The following GCH1 variants were observed in gnomAD, a reference collection of about 807,000 sequenced individuals.
GCH1 encodes the protein GTP cyclohydrolase I.
Under a neutral mutation model 25.9 loss-of-function variants are expected in GCH1, and 5 were observed. The ratio of observed to expected loss-of-function variants is 0.19; its 90% confidence interval spans 0.10 to 0.41. GCH1 has a LOEUF of 0.41. Ranked by LOEUF, GCH1 falls within the 10% of genes least tolerant of loss-of-function variation. The pLI is 1.00. For synonymous variants in GCH1, 159 were observed against 129.6 expected (o/e 1.23, Z -1.54); for missense variants, 261 against 336.5 (o/e 0.78, Z 1.75).
chr14:54,866,162 C>T (rs978201686), intron 1 of GCH1, among the ~76,000 whole-genome samples: 2 of 151,648 alleles, frequency 1.3e-5, no homozygotes, highest in African/African-American at 2.4e-5. Flanking sequence ...GACTTATCCT[C>T]AACTATGCTA....
rs1418922853 is a variant in GCH1, at chr14:54,845,780, A to T, written c.614T>A (p.Val205Glu). The stretch of plus-strand genomic sequence containing the variant: ...GATGCAGACTTACGTTGCTTCAACC[A>T]CTACCCCGACTCCAGCAGGCCGCAA... Reference protein sequence around the residue: ...EALRPAGVGVVVEATHMCMVM... With the variant: ...EALRPAGVGVEVEATHMCMVM... Residue 205 changes from valine to glutamate, a missense_variant, in exon 5 of 6, where the codon GTG becomes GAG. By Grantham distance (121) the Val-to-Glu change is moderately radical. Coordinates refer to ENST00000491895, the MANE Select transcript of GCH1 (RefSeq NM_000161.3). The T allele has an allele frequency of 6.3e-7, 1 of 1,596,504 alleles. No homozygotes were observed. The highest frequency in any genetic ancestry group is 8.6e-7 in the Non-Finnish European group (1 of 1,163,798).
chr14:54,898,642 C>T (rs2040520183), intron 1 of GCH1, among the ~76,000 whole-genome samples: 1 of 152,028 alleles, frequency 6.6e-6, no homozygotes, highest in Non-Finnish European at 1.5e-5. Flanking sequence ...ACTGTTGAGA[C>T]GGAGTCTCAC....
chr14:54,879,117 C>A lies in GCH1; in HGVS notation c.344-13681G>T, dbSNP rs183237131. 1.4e-3 allele frequency among the ~76,000 whole-genome samples: 219 copies of A among 152,116 alleles called. 1 individual carries two copies. Among genetic ancestry groups the A allele is most frequent in the African/African-American group, 5.0e-3 (207 of 41,512 alleles). On this transcript the variant is annotated intron_variant, in intron 1 of 5. Coordinates refer to ENST00000491895, the MANE Select transcript of GCH1 (RefSeq NM_000161.3). ...AGGGACTCCAAAGAAATTCATGCAG[C>A]CAAGGGAACATAAGAATTTTCAGCT...
At chr14:54,862,559 T>TAC in intron 2 of GCH1, among the ~76,000 whole-genome samples, 1 of 150,834 alleles carries the variant, frequency 6.6e-6, no homozygotes, top group Admixed American at 6.6e-5. Flanking sequence ...TTTTTGCCTG[T>TAC]TTTTTTGTTT....
In GCH1 at chr14:54,849,697, C is replaced by T. The variant is rs993737709; in HGVS notation, c.510-2567G>A. ...CTCTAACGTTGCATCTAGCACATTG[C>T]CTCTGTTATCTCCAGGAATTTCAAT... On this transcript the variant is annotated intron_variant, in intron 3 of 5. Transcript: ENST00000491895. 2.6e-5 allele frequency among the ~76,000 whole-genome samples: 4 copies of T among 152,128 alleles called. No individual in the cohort carries two copies. The East Asian group carries it at 7.7e-4, about 29-fold the overall frequency.
chr14:54,857,226 C>T (rs2039825341), intron 3 of GCH1, among the ~76,000 whole-genome samples: 1 of 152,038 alleles, frequency 6.6e-6, no homozygotes, highest in African/African-American at 2.4e-5. Flanking sequence ...AGGACAAATC[C>T]CCATGCTAAT....
chr14:54,854,088 C>T (rs1350066934), intron 3 of GCH1, among the ~76,000 whole-genome samples: 2 of 152,318 alleles, frequency 1.3e-5, no homozygotes, highest in East Asian at 3.9e-4. Context: ...AGATATCAGA[C>T]TCCCCAGCAA....
intron 1 of GCH1, among the ~76,000 whole-genome samples, chr14:54,894,373 A>G (rs1156940843): frequency 5.9e-5 from 9 of 152,192 alleles, no homozygotes. Context: ...CACCACCAGA[A>G]GCTGGGAAGA....
At chr14:54,893,297 A>T (rs965166945) in intron 1 of GCH1, among the ~76,000 whole-genome samples, 5 of 152,242 alleles carry the variant, frequency 3.3e-5, no homozygotes, top group Non-Finnish European at 5.9e-5. Context: ...AATTGTTCAC[A>T]TAATCCAGGA....
chr14:54,861,600 G>C (rs1006895008), intron 2 of GCH1, among the ~76,000 whole-genome samples: 1 of 151,926 alleles, frequency 6.6e-6, no homozygotes, highest in African/African-American at 2.4e-5. Flanking sequence ...GCGGGTGCCT[G>C]TAATCCCAGC....
chr14:54,851,193 C>T (rs1168434792), intron 3 of GCH1, among the ~76,000 whole-genome samples: 1 of 152,158 alleles, frequency 6.6e-6, no homozygotes, highest in East Asian at 1.9e-4. Flanking sequence ...AACTGGATCC[C>T]TTCCTTACAC....
intron 3 of GCH1, among the ~76,000 whole-genome samples, chr14:54,850,684 T>A (rs2039715932): frequency 6.6e-6 from 1 of 152,146 alleles, no homozygotes; most frequent in East Asian, 1.9e-4. Context: ...TGTGTCCAAG[T>A]GTTCTCATTG....
intron 1 of GCH1, among the ~76,000 whole-genome samples, chr14:54,882,410 C>T (rs2040284263): frequency 6.6e-6 from 1 of 152,190 alleles, no homozygotes; most frequent in South Asian, 2.1e-4. Flanking sequence ...CAAAGTTATC[C>T]AAGCCAAAGA....
intron 3 of GCH1, among the ~76,000 whole-genome samples, chr14:54,852,626 T>C (rs1283302807): frequency 6.6e-6 from 1 of 151,962 alleles, no homozygotes; most frequent in African/African-American, 2.4e-5. Flanking sequence ...CAGCAAGGAA[T>C]TTTTTTTTCT....
intron 1 of GCH1, among the ~76,000 whole-genome samples, chr14:54,889,511 T>A (rs916796389): frequency 1.3e-5 from 2 of 152,168 alleles, no homozygotes; most frequent in African/African-American, 4.8e-5. Context: ...CATGGCCTCT[T>A]AGGACTGCAC....
rs1226446008 is a variant in GCH1, at chr14:54,880,828, C to T, written c.344-15392G>A. On this transcript the variant is annotated intron_variant, in intron 1 of 5. Transcript: ENST00000491895. ...TATACTCCATATATATATATATATA[C>T]TCCATATATATATATACTCCATATA... 4.3e-5 allele frequency among the ~76,000 whole-genome samples: 3 copies of T among 69,716 alleles called. 1 individual carries two copies. The highest frequency in any genetic ancestry group is 6.8e-5 in the Non-Finnish European group (3 of 43,912). The allele number at this position is 69,716 out of a possible 152,430, so 45.7% of individuals were successfully genotyped here. A position where few individuals can be genotyped will look rare whatever the true frequency, so the allele number is the denominator to read the frequency against.
At chr14:54,859,801 A>T in intron 2 of GCH1, 65 bp from the exon 3 acceptor site, 1 of 849,062 alleles carries the variant, frequency 1.2e-6, no homozygotes, top group South Asian at 1.3e-5. Flanking sequence ...TGACAAAATA[A>T]GGAAATATAG....
chr14:54,860,109 T>A (rs2039872347), intron 2 of GCH1, among the ~76,000 whole-genome samples: 2 of 152,274 alleles, frequency 1.3e-5, no homozygotes, highest in Admixed American at 1.3e-4. Flanking sequence ...TGCCCCTCCA[T>A]CTATACAGGT....
rs1023705665 is a variant in GCH1 at position 54,843,065 on chromosome 14, T to G, written c.*952A>C. The stretch of plus-strand genomic sequence containing the variant: ...TATGGTTCTGCAGACCTGAAAATGA[T>G]GGGCACTCTCAAATGTTTCTGGAAA... On this transcript the variant is annotated 3_prime_UTR_variant, in exon 6 of 6. Coordinates refer to ENST00000491895, the MANE Select transcript of GCH1 (RefSeq NM_000161.3). 6 of 1,165,062 alleles carry G rather than the reference T, an allele frequency of 5.1e-6. No individual in the cohort carries two copies. The highest frequency in any genetic ancestry group is 7.8e-6 in the Non-Finnish European group (6 of 771,970). 72.2% of individuals were successfully genotyped at this position (1,165,062 alleles called of 1,614,324 possible). A position where few individuals can be genotyped will look rare whatever the true frequency, so the allele number is the denominator to read the frequency against.
Sources: allele counts gnomAD v4.1 joint callset (sites outside exome capture counted in the v4.1 genomes callset), GRCh38; gene constraint gnomAD v4.1.1; transcripts MANE v1.5; gene names NCBI Gene and HGNC (gene_info 2026-07-23, HGNC 2026-07-21).